The following DPYSL5 variants were observed in gnomAD, a reference collection of about 807,000 sequenced individuals.
DPYSL5 encodes dihydropyrimidinase like 5.
Under a neutral mutation model 58.4 loss-of-function variants are expected in DPYSL5, and 9 were observed. The observed-to-expected ratio is 0.15, with a 90% CI of 0.09 to 0.27. The LOEUF (loss-of-function observed/expected upper bound fraction) is 0.27. Ranked by LOEUF, DPYSL5 falls within the 10% of genes least tolerant of loss-of-function variation. The pLI, the probability that DPYSL5 is intolerant of heterozygous loss-of-function variation, is 1.00. For synonymous variants in DPYSL5, 293 were observed against 301.9 expected (o/e 0.97, Z 0.31); for missense variants, 499 against 770.6 (o/e 0.65, Z 4.17).
chr2:26,932,195 G>GA (rs1351425599), intron 6 of DPYSL5, among the ~76,000 whole-genome samples: 2 of 78,368 alleles, frequency 2.6e-5, no homozygotes, highest in Non-Finnish European at 5.6e-5. Flanking sequence ...AAGAAAGAAA[G>GA]AAAGAAAGAA....
intron 2 of DPYSL5, among the ~76,000 whole-genome samples, chr2:26,906,964 G>A (rs1400951507): frequency 2.0e-5 from 3 of 151,852 alleles, no homozygotes; most frequent in African/African-American, 4.8e-5. Flanking sequence ...ACCGGATCTT[G>A]CTATGTTGCC....
In DPYSL5 at chr2:26,942,544, A is replaced by G; in HGVS notation, c.1234A>G (p.Thr412Ala). The change falls in exon 11 of 13, where the codon ACC (threonine) becomes GCC (alanine). Residue 412 changes from threonine (T) to alanine (A), a missense_variant and splice_region_variant. Around this residue, in one of 3 missense-constraint regions of DPYSL5, gnomAD observed 404 missense variants for 647.6 expected, o/e 0.62. Coordinates refer to ENST00000288699, the MANE Select transcript of DPYSL5 (RefSeq NM_020134.4). This position sits in a 1 kb window ranked among gnomAD's most constrained non-coding sequence, Gnocchi z 5.9. ...VVVWDPEATK[T>A]ISASTQVQGG... ...CTCCCGCCATTGCCTCCCCACCAGG[A>G]CCATCTCAGCCAGCACGCAGGTCCA... The G allele has an allele frequency of 6.2e-7, 1 of 1,613,748 alleles. No individual in the cohort carries two copies. Among genetic ancestry groups the G allele is most frequent in the Admixed American group, 1.7e-5 (1 of 59,992 alleles).
chr2:26,860,021 C>T (rs1050348599), intron 1 of DPYSL5, among the ~76,000 whole-genome samples: 5 of 152,062 alleles, frequency 3.3e-5, no homozygotes, highest in Non-Finnish European at 5.9e-5. Context: ...TTCCTAGGCA[C>T]GAGAGATCTT....
chr2:26,855,206 G>A (rs1665849107), intron 1 of DPYSL5, among the ~76,000 whole-genome samples: 1 of 150,530 alleles, frequency 6.6e-6, no homozygotes, highest in Admixed American at 6.6e-5. Flanking sequence ...GAGGCGGGTG[G>A]GTCATAAAGT....
In DPYSL5 at chr2:26,896,996, GA is replaced by G. The variant is rs34637464; in HGVS notation, c.-4-1493del. 4.8e-3 allele frequency among the ~76,000 whole-genome samples: 726 copies of G among 152,212 alleles called. 6 individuals are homozygous for G. The highest frequency in any genetic ancestry group is 0.017 in the African/African-American group (701 of 41,556). Reference sequence around the variant, plus strand: ...ACCAGGTGTGCATTGCTAGTGTACAGAAAAAAAGTAGCCTTTTGTATATTGA... The same window carrying G: ...ACCAGGTGTGCATTGCTAGTGTACAGAAAAAAGTAGCCTTTTGTATATTGA... On this transcript the variant is annotated intron_variant, in intron 1 of 12. Transcript: ENST00000288699.
At chr2:26,911,849 C>A (rs190371401) in intron 2 of DPYSL5, among the ~76,000 whole-genome samples, 376 of 152,298 alleles carry the variant, frequency 2.5e-3, no homozygotes, top group African/African-American at 8.7e-3. Context: ...AAAACACACT[C>A]CAGGACTTAG....
chr2:26,931,458 T>C (rs1664986039), intron 5 of DPYSL5, among the ~76,000 whole-genome samples, 182 bp from the exon 6 acceptor site: 1 of 151,876 alleles, frequency 6.6e-6, no homozygotes, highest in South Asian at 2.1e-4. Context: ...TGCCTGGTAT[T>C]GTAAGACCTA....
chr2:26,921,587 A>C (rs890954761), intron 2 of DPYSL5, among the ~76,000 whole-genome samples: 3 of 152,218 alleles, frequency 2.0e-5, no homozygotes, highest in Non-Finnish European at 4.4e-5. Context: ...GCTTGTCAGC[A>C]TTCATCCTGT....
intron 1 of DPYSL5, among the ~76,000 whole-genome samples, chr2:26,881,031 G>A (rs945673185): frequency 1.1e-4 from 17 of 152,308 alleles, no homozygotes; most frequent in Admixed American, 4.6e-4. Flanking sequence ...CTAGGAAATC[G>A]TGTGTGAGCT....
chr2:26,938,345 T>C (rs1311018897), intron 8 of DPYSL5: 1 of 152,222 alleles, frequency 6.6e-6, no homozygotes, highest in African/African-American at 2.4e-5. Context: ...CCCTGAGCCC[T>C]GCTCAGGTAT....
At chr2:26,911,528 T>C (rs1465049602) in intron 2 of DPYSL5, among the ~76,000 whole-genome samples, 1 of 152,206 alleles carries the variant, frequency 6.6e-6, no homozygotes, top group African/African-American at 2.4e-5. Flanking sequence ...TTATAAATAT[T>C]GATGTAAATA....
At chr2:26,860,514 C>G (rs1231330633) in intron 1 of DPYSL5, among the ~76,000 whole-genome samples, 1 of 152,172 alleles carries the variant, frequency 6.6e-6, no homozygotes, top group African/African-American at 2.4e-5. Flanking sequence ...TTCCTTTTAA[C>G]CCAGCAGTAC....
chr2:26,935,886 A>G (rs1471507077), intron 8 of DPYSL5, among the ~76,000 whole-genome samples: 2 of 152,142 alleles, frequency 1.3e-5, no homozygotes, highest in Non-Finnish European at 2.9e-5. Flanking sequence ...CCCAGCTTGC[A>G]GCACTGGCAA....
rs193030061 is a variant in DPYSL5 at position 26,858,324 on chromosome 2, A to G, written c.-5+10070A>G. On this transcript the variant is annotated intron_variant, in intron 1 of 12. Coordinates refer to ENST00000288699, the MANE Select transcript of DPYSL5 (RefSeq NM_020134.4). ...GTAGCTGGGACTACAGGCACGCGCC[A>G]CCAAGCCCGGCTAATTTTTTGTAGT... Among the ~76,000 whole-genome samples the G allele has an allele frequency of 1.3e-3, 191 of 151,964 alleles. 1 individual carries two copies. The highest frequency in any genetic ancestry group is 4.4e-3 in the African/African-American group (183 of 41,426).
At chr2:26,882,090 C>CAAAA (rs752138649) in intron 1 of DPYSL5, among the ~76,000 whole-genome samples, 221 of 37,936 alleles carry the variant, frequency 5.8e-3, no homozygotes, top group East Asian at 0.01. Context: ...GACTCCATCT[C>CAAAA]AAAAAAAAAA....
intron 1 of DPYSL5, among the ~76,000 whole-genome samples, chr2:26,861,932 T>C (rs996090831): frequency 1.3e-5 from 2 of 152,214 alleles, no homozygotes; most frequent in Admixed American, 6.5e-5. Context: ...TTTTGCTTGA[T>C]GAAGTAAGTG....
rs1180064429 is a variant in DPYSL5, at chr2:26,849,578, C to T, written c.-5+1324C>T. Among the ~76,000 whole-genome samples the T allele has an allele frequency of 6.6e-6, 1 of 152,188 alleles. No individual in the cohort carries two copies. Among genetic ancestry groups the T allele is most frequent in the Non-Finnish European group, 1.5e-5 (1 of 68,034 alleles). ...GTTTTGTGATCTTCCGCGGCGCCCA[C>T]GGCACGCCCTTTTCTCGAGGAGCTG... is the stretch of plus-strand genomic sequence containing the variant. On this transcript the variant is annotated intron_variant, in intron 1 of 12. Coordinates refer to ENST00000288699, the MANE Select transcript of DPYSL5 (RefSeq NM_020134.4). This position sits in a 1 kb window ranked among gnomAD's most constrained non-coding sequence, Gnocchi z 6.2.
chr2:26,936,628 G>T (rs953854781), intron 8 of DPYSL5, among the ~76,000 whole-genome samples: 1 of 152,132 alleles, frequency 6.6e-6, no homozygotes, highest in Non-Finnish European at 1.5e-5. Flanking sequence ...GATTAAGAGA[G>T]AAATGCTAGA....
intron 1 of DPYSL5, among the ~76,000 whole-genome samples, chr2:26,882,529 A>T (rs1572685773): frequency 6.6e-6 from 1 of 151,878 alleles, no homozygotes; most frequent in Non-Finnish European, 1.5e-5. Context: ...CTCAAGCAAT[A>T]CTCCTGCCTC....
Sources: allele counts gnomAD v4.1 joint callset (sites outside exome capture counted in the v4.1 genomes callset), GRCh38; gene constraint gnomAD v4.1.1; regional missense constraint gnomAD v4.1.1; non-coding constraint Gnocchi (gnomAD v3.1); transcripts MANE v1.5; gene names NCBI Gene and HGNC (gene_info 2026-07-23, HGNC 2026-07-21).